Variants in SPNS2 observed in about 807,000 individuals in gnomAD.
The protein encoded by SPNS2 is SPNS lysolipid transporter 2, sphingosine-1-phosphate.
A neutral mutation model predicts 57.6 loss-of-function variants in SPNS2; 37 were observed. That is an observed-to-expected ratio of 0.64 (90% CI 0.49 to 0.85). The LOEUF is 0.85. Among genes scored for constraint, SPNS2 ranks in the 40% least tolerant of loss-of-function variants. The pLI is 0.00. For synonymous variants in SPNS2, 440 were observed against 346.9 expected (o/e 1.27, Z -2.98); for missense variants, 831 against 779.1 (o/e 1.07, Z -0.79).
At chr17:4,536,695 ACTTT>A in intron 11 of SPNS2, 2 of 629,266 alleles carry the variant, frequency 3.2e-6, no homozygotes, top group Non-Finnish European at 2.8e-6. Flanking sequence ...CCTTCCTCTT[ACTTT>A]CTGACTTCTT....
chr17:4,536,640 G>C (rs760311708), intron 11 of SPNS2: 7 of 692,056 alleles, frequency 1.0e-5, no homozygotes, highest in African/African-American at 1.8e-5. Context: ...ATCCAGACTT[G>C]GGTTTGTCTC....
chr17:4,532,239 C>G (rs907560257), intron 5 of SPNS2, among the ~76,000 whole-genome samples: 2 of 152,206 alleles, frequency 1.3e-5, no homozygotes, highest in Non-Finnish European at 2.9e-5. Context: ...CATCTCTTCT[C>G]TATCTATCCA....
At chr17:4,531,014 CT>C (rs781666936) in intron 4 of SPNS2, 38 bp from the exon 5 acceptor site, 10 of 1,610,380 alleles carry the variant, frequency 6.2e-6, no homozygotes, top group Admixed American at 1.7e-5. Flanking sequence ...TCCCCAGCCC[CT>C]GTCTCTGCTC....
At chr17:4,516,044 T>C (rs1206174941) in intron 2 of SPNS2, among the ~76,000 whole-genome samples, 1 of 152,218 alleles carries the variant, frequency 6.6e-6, no homozygotes, top group African/African-American at 2.4e-5. Context: ...TGGGCGCCTA[T>C]GGCTTACGCC....
intron 2 of SPNS2, among the ~76,000 whole-genome samples, chr17:4,514,160 T>A (rs1904925593): frequency 6.6e-6 from 1 of 152,228 alleles, no homozygotes; most frequent in Non-Finnish European, 1.5e-5. Flanking sequence ...CTAAGGCCAG[T>A]GCTGCCACTC....
chr17:4,507,169 G>A (rs1446977537), intron 1 of SPNS2, among the ~76,000 whole-genome samples: 1 of 152,192 alleles, frequency 6.6e-6, no homozygotes, highest in Non-Finnish European at 1.5e-5. Context: ...AATTACCGGG[G>A]TGGGAGCTGC....
chr17:4,533,924 G>T, intron 9 of SPNS2, 71 bp downstream of exon 9: 29 of 1,226,442 alleles, frequency 2.4e-5, no homozygotes, highest in Non-Finnish European at 3.1e-5. Flanking sequence ...GGTGCCTGGG[G>T]AGGGCGGGTG....
intron 7 of SPNS2, 40 bp downstream of exon 7, chr17:4,533,169 C>T (rs1375132908): frequency 8.2e-6 from 13 of 1,584,130 alleles, no homozygotes; most frequent in Admixed American, 3.5e-5. Flanking sequence ...GGTGAGGGAC[C>T]TCGGACAGGA....
intron 5 of SPNS2, among the ~76,000 whole-genome samples, chr17:4,531,781 G>T (rs543116695): frequency 6.6e-6 from 1 of 151,994 alleles, no homozygotes. Context: ...AGTGTTCTGC[G>T]GGGCTGGTGA....
chr17:4,536,250 C>A lies in SPNS2; in HGVS notation c.1444-13C>A. ...AGGGCTCTGCCCTGACATCCACCCC[C>A]AAATCCTCGCAGATCTCAGACCTGA... On this transcript the variant is annotated splice_polypyrimidine_tract_variant and intron_variant, in intron 10 of 12. Coordinates refer to ENST00000329078, the MANE Select transcript of SPNS2 (RefSeq NM_001124758.3). The A allele has an allele frequency of 6.2e-7, 1 of 1,610,944 alleles. No homozygotes were observed.
At chr17:4,514,737 G>A (rs1009080536) in intron 2 of SPNS2, among the ~76,000 whole-genome samples, 16 of 152,340 alleles carry the variant, frequency 1.1e-4, no homozygotes, top group African/African-American at 3.1e-4. Context: ...CTGCCCTGCC[G>A]CCTGAGACAG....
In SPNS2 at chr17:4,499,511, G is replaced by C; in HGVS notation, c.370+94G>C. 1.3e-6 allele frequency: 1 copy of C among 785,030 alleles called. No homozygotes were observed. Among genetic ancestry groups the C allele is most frequent in the Non-Finnish European group, 1.8e-6 (1 of 553,138 alleles). The allele number at this position is 785,030 out of a possible 1,614,324, so 48.6% of individuals were successfully genotyped here. On this transcript the variant is annotated intron_variant, in intron 1 of 12. Transcript: ENST00000329078. The surrounding 1 kb of genome is among the most constrained non-coding windows in gnomAD (Gnocchi z 5.2). The stretch of plus-strand genomic sequence containing the variant: ...GTACCCCAGAGAGCTTTTGGTCTCA[G>C]GCCTGCTATCTCCAGGCCCTACGTG...
chr17:4,507,546 G>A (rs140745181), intron 1 of SPNS2, among the ~76,000 whole-genome samples: 1 of 152,330 alleles, frequency 6.6e-6, no homozygotes, highest in African/African-American at 2.4e-5. Context: ...TTCAAATTAA[G>A]CCATATTACA....
At chr17:4,514,736 C>T (rs891565393) in intron 2 of SPNS2, among the ~76,000 whole-genome samples, 3 of 152,264 alleles carry the variant, frequency 2.0e-5, no homozygotes, top group Admixed American at 6.5e-5. Context: ...CCTGCCCTGC[C>T]GCCTGAGACA....
chr17:4,523,496 G>A (rs560033818), intron 2 of SPNS2, among the ~76,000 whole-genome samples: 23 of 150,640 alleles, frequency 1.5e-4, no homozygotes, highest in African/African-American at 4.6e-4. Context: ...AGCCAGGCAC[G>A]GTGGCTCACG....
chr17:4,499,122 C>A lies in SPNS2; in HGVS notation c.75C>A (p.Arg25=). 2 of 1,123,228 alleles carry A rather than the reference C, an allele frequency of 1.8e-6. No homozygotes were observed. The highest frequency in any genetic ancestry group is 9.9e-5 in the Admixed American group (2 of 20,236). The allele number at this position is 1,123,228 out of a possible 1,614,324, so 69.6% of individuals were successfully genotyped here. A position where few individuals can be genotyped will look rare whatever the true frequency, so the allele number is the denominator to read the frequency against. ...EEEEADAERR[R]RRRGAQRGAG... ...AGGAGGCGGACGCGGAGCGGCGGCG[C>A]CGGCGCCGGGGGGCGCAGCGAGGGG... is the stretch of plus-strand genomic sequence containing the variant. The change falls in exon 1 of 13, where the codon CGC becomes CGA. Residue 25 remains arginine (R), a synonymous_variant. Transcript: ENST00000329078. The surrounding 1 kb of genome is among the most constrained non-coding windows in gnomAD (Gnocchi z 5.2).
chr17:4,536,818 C>T (rs1457442021), intron 11 of SPNS2, 82 bp from the exon 12 acceptor site: 3 of 1,204,840 alleles, frequency 2.5e-6, no homozygotes, highest in East Asian at 4.8e-5. Context: ...CAGCTGGCCC[C>T]CACGACACGA....
intron 1 of SPNS2, among the ~76,000 whole-genome samples, chr17:4,505,602 C>T (rs957493317): frequency 2.0e-5 from 3 of 152,260 alleles, no homozygotes; most frequent in Non-Finnish European, 4.4e-5. Flanking sequence ...CAGCTTTGCC[C>T]TGTCTCTTCT....
intron 3 of SPNS2, 126 bp from the exon 4 acceptor site, chr17:4,530,506 C>T: frequency 8.5e-7 from 1 of 1,177,266 alleles, no homozygotes; most frequent in Non-Finnish European, 1.2e-6. Context: ...TGCAGCCCAC[C>T]AGCACCCTCA....
Sources: allele counts gnomAD v4.1 joint callset (sites outside exome capture counted in the v4.1 genomes callset), GRCh38; gene constraint gnomAD v4.1.1; non-coding constraint Gnocchi (gnomAD v3.1); transcripts MANE v1.5; gene names NCBI Gene and HGNC (gene_info 2026-07-23, HGNC 2026-07-21).